The following KCTD5 variants were observed in gnomAD, a reference collection of about 807,000 sequenced individuals.
KCTD5 encodes the protein BTB/POZ domain-containing protein KCTD5.
KCTD5 carries 12 observed loss-of-function variants against 27.9 expected under a neutral mutation model. That is an observed-to-expected ratio of 0.43 (90% CI 0.28 to 0.70). KCTD5 has a LOEUF of 0.70. KCTD5 is among the 30% of genes least tolerant of loss of function. The pLI, the probability that KCTD5 is intolerant of heterozygous loss-of-function variation, is 0.19. For missense variants in KCTD5, 226 were observed against 274.8 expected, an observed-to-expected ratio of 0.82 and a Z score of 1.26; for synonymous variants, 147 against 121.4, an observed-to-expected ratio of 1.21 and a Z score of -1.39.
chr16:2,699,337 A>G, intron 3 of KCTD5: 1 of 405,202 alleles, frequency 2.5e-6, no homozygotes, highest in African/African-American at 2.1e-5. Flanking sequence ...AGGTGGATGG[A>G]GTTTTAGGAA....
At chr16:2,687,898 C>G (rs1190075499) in intron 1 of KCTD5, among the ~76,000 whole-genome samples, 1 of 152,102 alleles carries the variant, frequency 6.6e-6, no homozygotes, top group African/African-American at 2.4e-5. Flanking sequence ...GGCGTCAACT[C>G]GGCAGTTCTC....
chr16:2,693,136 C>G (rs769172350), intron 1 of KCTD5, among the ~76,000 whole-genome samples: 19 of 152,248 alleles, frequency 1.2e-4, no homozygotes, highest in Non-Finnish European at 2.2e-4. Flanking sequence ...GCCACTCTCA[C>G]TACCCACCCC....
In KCTD5 at chr16:2,682,734, G is replaced by C. The variant is rs2067523805; in HGVS notation, c.186G>C (p.Leu62=). Residue 62 remains leucine (L), a synonymous_variant, in exon 1 of 6, where the codon CTG becomes CTC. Transcript: ENST00000301738. ...ACTTCCTCACCACTCGGCAGACCCT[G>C]TGCCGGGACCCGAAATCCTTCCTGT... ...GTYFLTTRQT[L]CRDPKSFLYR... 1 of 1,610,926 alleles carries C rather than the reference G, an allele frequency of 6.2e-7. No individual in the cohort carries two copies. The highest frequency in any genetic ancestry group is 8.5e-7 in the Non-Finnish European group (1 of 1,178,976).
Position 2,707,616 on chromosome 16 carries a change from C to A in KCTD5, c.*289C>A. ...CCACGTGGGACTGAGGCAGACACTC[C>A]CAGTCAGCCCGCTCGATCCTGAAGA... On this transcript the variant is annotated 3_prime_UTR_variant, in exon 6 of 6. Transcript: ENST00000301738. The A allele has an allele frequency of 1.7e-6, 1 of 603,636 alleles. No homozygotes were observed. The highest frequency in any genetic ancestry group is 2.9e-5 in the Admixed American group (1 of 34,332). 37.4% of individuals were successfully genotyped at this position (603,636 alleles called of 1,614,324 possible). A position where few individuals can be genotyped will look rare whatever the true frequency, so the allele number is the denominator to read the frequency against.
chr16:2,688,320 G>A (rs189520418), intron 1 of KCTD5, among the ~76,000 whole-genome samples: 19 of 150,598 alleles, frequency 1.3e-4, no homozygotes, highest in Admixed American at 3.3e-4. Flanking sequence ...GGGTGATCTC[G>A]GCTCACTGCA....
At chr16:2,706,202 G>A (rs893050687) in intron 5 of KCTD5, among the ~76,000 whole-genome samples, 9 of 152,196 alleles carry the variant, frequency 5.9e-5, no homozygotes, top group African/African-American at 2.2e-4. Context: ...TTGGGGGGTG[G>A]AGTATTGGAG....
intron 1 of KCTD5, among the ~76,000 whole-genome samples, chr16:2,687,277 A>G (rs1308232238): frequency 5.3e-5 from 8 of 152,238 alleles, no homozygotes; most frequent in Non-Finnish European, 5.9e-5. Context: ...AGGAAGAATG[A>G]AAGAAAACAG....
chr16:2,700,764 G>A (rs1330262159), intron 4 of KCTD5, among the ~76,000 whole-genome samples: 1 of 151,906 alleles, frequency 6.6e-6, no homozygotes, highest in Non-Finnish European at 1.5e-5. Context: ...TTTCCTTGGA[G>A]TCTTTCAAAA....
intron 1 of KCTD5, among the ~76,000 whole-genome samples, chr16:2,689,919 G>T (rs1169561737): frequency 6.6e-6 from 1 of 152,170 alleles, no homozygotes; most frequent in Admixed American, 6.5e-5. Flanking sequence ...CAGGTAATCC[G>T]CCTGCCTTGG....
chr16:2,700,711 G>A (rs985154739), intron 4 of KCTD5, among the ~76,000 whole-genome samples: 2 of 152,194 alleles, frequency 1.3e-5, no homozygotes, highest in African/African-American at 4.8e-5. Context: ...CAGGTTGTGG[G>A]AGTGACAGGC....
At chr16:2,692,642 C>G (rs2067571571) in intron 1 of KCTD5, among the ~76,000 whole-genome samples, 1 of 152,242 alleles carries the variant, frequency 6.6e-6, no homozygotes, top group Non-Finnish European at 1.5e-5. Flanking sequence ...CCACAAGTCC[C>G]CACTTTGGTC....
At chr16:2,688,232 T>A (rs112466274) in intron 1 of KCTD5, among the ~76,000 whole-genome samples, 3,320 of 118,924 alleles carry the variant, frequency 0.028, 41 homozygotes, top group African/African-American at 0.048. Context: ...TAAATAAATA[T>A]ATATATATAT....
intron 1 of KCTD5, among the ~76,000 whole-genome samples, chr16:2,688,243 A>ATATATATATATATTTATTTATT (rs1282831421): frequency 1.6e-5 from 1 of 64,266 alleles, no homozygotes; most frequent in African/African-American, 5.0e-5. Context: ...ATATATATAT[A>ATATATATATATATTTATTTATT]TATTTATTTA....
chr16:2,685,869 A>G (rs1191383420), intron 1 of KCTD5: 2 of 151,572 alleles, frequency 1.3e-5, no homozygotes, highest in Non-Finnish European at 2.9e-5. Flanking sequence ...GTGTGGAGTG[A>G]GCACCTGGGC....
chr16:2,682,929 C>A, intron 1 of KCTD5, 129 bp downstream of exon 1: 1 of 1,190,790 alleles, frequency 8.4e-7, no homozygotes, highest in Middle Eastern at 2.7e-4. Flanking sequence ...GAGCCCCGCG[C>A]TCCCTTGTCG....
chr16:2,687,125 C>G (rs1397718365), intron 1 of KCTD5, among the ~76,000 whole-genome samples: 1 of 152,224 alleles, frequency 6.6e-6, no homozygotes, highest in Admixed American at 6.5e-5. Context: ...TGGTCCTCAG[C>G]AAACCTGTGC....
At chr16:2,696,777 C>T (rs926912664) in intron 2 of KCTD5, among the ~76,000 whole-genome samples, 29 of 152,256 alleles carry the variant, frequency 1.9e-4, no homozygotes, top group African/African-American at 5.8e-4. Context: ...CGAGTTCACG[C>T]GGGGCGTGGA....
intron 1 of KCTD5, among the ~76,000 whole-genome samples, chr16:2,689,871 T>C (rs542215206): frequency 7.5e-4 from 115 of 152,324 alleles, no homozygotes; most frequent in African/African-American, 2.7e-3. Context: ...AGACAGGGTT[T>C]CACCATGTTG....
At chr16:2,702,152 C>T (rs982134857) in intron 4 of KCTD5, among the ~76,000 whole-genome samples, 2 of 152,232 alleles carry the variant, frequency 1.3e-5, no homozygotes, top group Admixed American at 1.3e-4. Context: ...GAGCTCGCCC[C>T]ATGCCATGCC....
Sources: allele counts gnomAD v4.1 joint callset (sites outside exome capture counted in the v4.1 genomes callset), GRCh38; gene constraint gnomAD v4.1.1; transcripts MANE v1.5; gene names NCBI Gene and HGNC (gene_info 2026-07-23, HGNC 2026-07-21).